Variants in FGF12 observed in about 807,000 individuals in gnomAD.
The protein encoded by FGF12 is fibroblast growth factor 12.
A neutral mutation model predicts 23.6 loss-of-function variants in FGF12; 14 were observed. The observed-to-expected ratio is 0.59, with a 90% CI of 0.39 to 0.93. FGF12 has a LOEUF of 0.93. Ranked by LOEUF, FGF12 falls within the 40% of genes least tolerant of loss-of-function variation. The probability of loss-of-function intolerance (pLI) is 0.00; values close to 1 mark genes in which losing one functional copy is unlikely to be tolerated. For synonymous variants in FGF12, 62 were observed against 77.3 expected (o/e 0.80, Z 1.04); for missense variants, 175 against 217.8 (o/e 0.80, Z 1.24).
At chr3:192,310,301 C>T (rs1055666665) in intron 4 of FGF12, among the ~76,000 whole-genome samples, 4 of 152,018 alleles carry the variant, frequency 2.6e-5, no homozygotes, top group Non-Finnish European at 4.4e-5. Context: ...ATTTTGATAT[C>T]GTAGAGATGA....
Position 192,566,826 on chromosome 3 carries a change from T to C in FGF12, c.13+160355A>G, listed in dbSNP as rs865880579. ...ATTATAAAATTTATGGCTAAAACTA[T>C]TAAATATAAGAACCAACAACACTAA... On this transcript the variant is annotated intron_variant, in intron 2 of 5. Coordinates refer to ENST00000445105, the MANE Select transcript of FGF12 (RefSeq NM_004113.6). Among the ~76,000 whole-genome samples, 13 of 152,174 alleles carry C rather than the reference T, an allele frequency of 8.5e-5. No individual in the cohort carries two copies. In the South Asian group the frequency reaches 1.9e-3, roughly 22 times the overall value.
chr3:192,239,583 C>T (rs1719490553), intron 4 of FGF12, among the ~76,000 whole-genome samples: 1 of 152,156 alleles, frequency 6.6e-6, no homozygotes, highest in Non-Finnish European at 1.5e-5. Flanking sequence ...GGTGAGTGAG[C>T]ACTACTGCCT....
chr3:192,294,824 TATA>T (rs1313318200), intron 4 of FGF12, among the ~76,000 whole-genome samples: 4 of 152,150 alleles, frequency 2.6e-5, no homozygotes, highest in Non-Finnish European at 5.9e-5. Context: ...TTTAGAAAAA[TATA>T]ATATCTCTCT....
Position 192,223,878 on chromosome 3 carries a change from G to A in FGF12, c.229-53222C>T, listed in dbSNP as rs180998850. On this transcript the variant is annotated intron_variant, in intron 4 of 5. Coordinates refer to ENST00000445105, the MANE Select transcript of FGF12 (RefSeq NM_004113.6). ...TAAATTGACAAAAATACTTGTTTCC[G>A]CAAACTCTCCTGCCTAATGTAATAA... is the stretch of plus-strand genomic sequence containing the variant. 1.4e-3 allele frequency among the ~76,000 whole-genome samples: 212 copies of A among 151,920 alleles called. 1 individual carries two copies. The highest frequency in any genetic ancestry group is 4.6e-3 in the African/African-American group (189 of 41,430).
chr3:192,667,535 A>G (rs1214560153), intron 2 of FGF12, among the ~76,000 whole-genome samples: 3 of 147,632 alleles, frequency 2.0e-5, no homozygotes, highest in African/African-American at 5.0e-5. Context: ...ACTAGAACCC[A>G]GGAGGCGGAG....
chr3:192,705,099 G>T (rs1377704841), intron 2 of FGF12, among the ~76,000 whole-genome samples: 1 of 152,164 alleles, frequency 6.6e-6, no homozygotes, highest in Non-Finnish European at 1.5e-5. Context: ...TATCCTTCCT[G>T]TGTTCACTGG....
chr3:192,588,216 G>A (rs2108619698), intron 2 of FGF12, among the ~76,000 whole-genome samples: 1 of 151,244 alleles, frequency 6.6e-6, no homozygotes, highest in Middle Eastern at 3.4e-3. Context: ...CGGGTGTGGT[G>A]GCGGGCTCCT....
At chr3:192,553,737 C>A (rs1235659061) in intron 2 of FGF12, among the ~76,000 whole-genome samples, 1 of 152,202 alleles carries the variant, frequency 6.6e-6, no homozygotes, top group Non-Finnish European at 1.5e-5. Flanking sequence ...AGAAAACTCC[C>A]ATTTCCTGGC....
intron 2 of FGF12, among the ~76,000 whole-genome samples, chr3:192,669,793 A>G (rs1433170948): frequency 6.6e-6 from 1 of 152,086 alleles, no homozygotes; most frequent in Non-Finnish European, 1.5e-5. Context: ...AGATGATGAC[A>G]TTGTGTAATA....
At chr3:192,342,222 C>T (rs1717726045) in intron 3 of FGF12, among the ~76,000 whole-genome samples, 1 of 152,160 alleles carries the variant, frequency 6.6e-6, no homozygotes, top group Admixed American at 6.5e-5. Flanking sequence ...TTTCTCCTTA[C>T]ACATGTTTAT....
intron 4 of FGF12, among the ~76,000 whole-genome samples, chr3:192,227,547 G>A (rs1718799410): frequency 7.4e-6 from 1 of 134,552 alleles, no homozygotes; most frequent in Admixed American, 8.0e-5. Context: ...ACCTGGTAAA[G>A]CTTAAATTCC....
At chr3:192,341,914 A>AG (rs745554021) in intron 3 of FGF12, among the ~76,000 whole-genome samples, 36,495 of 151,910 alleles carry the variant, frequency 0.24, 4,439 homozygotes, top group Admixed American at 0.3. Context: ...ATTTGGAGTT[A>AG]ACATACAGCA....
At chr3:192,589,826 G>A (rs116048628) in intron 2 of FGF12, among the ~76,000 whole-genome samples, 366 of 151,920 alleles carry the variant, frequency 2.4e-3, no homozygotes, top group African/African-American at 8.4e-3. Context: ...AAGGTCACAC[G>A]GTAGGAGGAC....
intron 3 of FGF12, among the ~76,000 whole-genome samples, chr3:192,347,224 C>T (rs1437428882): frequency 3.3e-5 from 5 of 152,262 alleles, no homozygotes; most frequent in Admixed American, 1.3e-4. Context: ...AGCTCACATG[C>T]GATACTGATT....
intron 2 of FGF12, among the ~76,000 whole-genome samples, chr3:192,470,501 G>T (rs148150984): frequency 6.6e-6 from 1 of 152,148 alleles, no homozygotes; most frequent in African/African-American, 2.4e-5. Context: ...TGATTCTCCT[G>T]CCTCGGCCCC....
At chr3:192,274,716 A>G (rs2108632509) in intron 4 of FGF12, among the ~76,000 whole-genome samples, 1 of 152,328 alleles carries the variant, frequency 6.6e-6, no homozygotes, top group South Asian at 2.1e-4. Flanking sequence ...GCATTTGTCC[A>G]AATTAGCATG....
At chr3:192,158,624 TTC>T (rs1162730311) in intron 5 of FGF12, among the ~76,000 whole-genome samples, 12 of 45,582 alleles carry the variant, frequency 2.6e-4, no homozygotes, top group Admixed American at 6.2e-4. Context: ...CCTTCTTTCT[TTC>T]TCTCTGTTTT....
intron 4 of FGF12, among the ~76,000 whole-genome samples, chr3:192,244,023 T>C (rs1308558056): frequency 6.6e-6 from 1 of 152,110 alleles, no homozygotes; most frequent in Non-Finnish European, 1.5e-5. Flanking sequence ...CTATGATGAA[T>C]AGAATTTTTT....
At chr3:192,694,784 GC>G (rs1311834126) in intron 2 of FGF12, among the ~76,000 whole-genome samples, 1 of 151,874 alleles carries the variant, frequency 6.6e-6, no homozygotes, top group African/African-American at 2.4e-5. Flanking sequence ...GCACAGAGAG[GC>G]ATACACTGTA....
Sources: gnomAD v4.1 joint callset for allele counts (sites outside exome capture counted in the v4.1 genomes callset) on GRCh38, gnomAD v4.1.1 for gene constraint, MANE v1.5 for transcripts, NCBI Gene and HGNC (gene_info 2026-07-23, HGNC 2026-07-21) for gene names.